Variants in EFHC2 observed in about 807,000 individuals in gnomAD.
EFHC2 encodes the protein EF-hand domain containing 2.
Under a neutral mutation model 52.7 loss-of-function variants are expected in EFHC2, and 18 were observed. The ratio of observed to expected loss-of-function variants is 0.34; its 90% CI spans 0.24 to 0.51. The LOEUF (loss-of-function observed/expected upper bound fraction) is 0.51. Ranked by LOEUF, EFHC2 falls within the 20% of genes least tolerant of loss-of-function variation. EFHC2 has a pLI of 0.97. For missense variants in EFHC2, 513 were observed against 562.5 expected (o/e 0.91, Z 0.89); for synonymous variants, 203 against 204.1 (o/e 0.99, Z 0.04).
At chrX:44,155,285 G>A (rs946811160) in intron 14 of EFHC2, among the ~76,000 whole-genome samples, 1 of 111,824 alleles carries the variant, frequency 8.9e-6, no homozygotes, top group African/African-American at 3.3e-5. Flanking sequence ...TCGTTCATCA[G>A]TGGTGAAAAA....
intron 11 of EFHC2, among the ~76,000 whole-genome samples, chrX:44,194,244 A>AT (rs35147905): frequency 9.1e-6 from 1 of 110,151 alleles, no homozygotes; most frequent in Non-Finnish European, 1.9e-5. Context: ...GTTGTGGCTT[A>AT]TTTTTTTTAT....
intron 10 of EFHC2, among the ~76,000 whole-genome samples, chrX:44,232,026 T>C (rs1474272285): frequency 1.8e-5 from 2 of 112,217 alleles, no homozygotes; most frequent in Admixed American, 9.4e-5. Flanking sequence ...TTATGGGAAG[T>C]TGTAAACCCA....
intron 2 of EFHC2, among the ~76,000 whole-genome samples, chrX:44,308,796 T>A (rs1038795659): frequency 8.9e-6 from 1 of 112,972 alleles, no homozygotes; most frequent in African/African-American, 3.2e-5. Flanking sequence ...AAGTTTAACT[T>A]ACTTTAGTCA....
At chrX:44,220,826 C>A (rs749291391) in intron 11 of EFHC2, among the ~76,000 whole-genome samples, 1 of 111,825 alleles carries the variant, frequency 8.9e-6, no homozygotes, top group African/African-American at 3.2e-5. Context: ...ATCCACCTGT[C>A]CAAATTTTTT....
chrX:44,225,504 C>A (rs1275680028), intron 11 of EFHC2, among the ~76,000 whole-genome samples: 1 of 111,223 alleles, frequency 9.0e-6, no homozygotes. Context: ...CAGGTCTGGG[C>A]CCCGAAGCCC....
intron 1 of EFHC2, among the ~76,000 whole-genome samples, chrX:44,328,461 G>T (rs749437239): frequency 2.7e-5 from 3 of 111,175 alleles, no homozygotes; most frequent in African/African-American, 9.8e-5. Flanking sequence ...TCTGGAGGCA[G>T]GGAACCTAAG....
At chrX:44,188,735 G>A (rs974437611) in intron 11 of EFHC2, among the ~76,000 whole-genome samples, 4 of 111,481 alleles carry the variant, frequency 3.6e-5, no homozygotes, top group Non-Finnish European at 7.5e-5. Context: ...GAAGATGAAA[G>A]GCAATCTGCC....
At chrX:44,283,332 G>A (rs765228541) in intron 2 of EFHC2, among the ~76,000 whole-genome samples, 49 of 110,649 alleles carry the variant, frequency 4.4e-4, no homozygotes, top group African/African-American at 1.3e-3. Context: ...ACAGGTGCCC[G>A]CCACCACACC....
chrX:44,233,002 C>CA (rs1232818079), intron 9 of EFHC2, among the ~76,000 whole-genome samples: 1 of 110,153 alleles, frequency 9.1e-6, no homozygotes, highest in African/African-American at 3.3e-5. Flanking sequence ...GATTCCATCT[C>CA]AAAAAAACAA....
At chrX:44,305,468 AATTTG>A (rs1217505823) in intron 2 of EFHC2, among the ~76,000 whole-genome samples, 1 of 110,825 alleles carries the variant, frequency 9.0e-6, no homozygotes, top group African/African-American at 3.3e-5. Context: ...TTCTGGCATT[AATTTG>A]ATTTTTTAAA....
intron 2 of EFHC2, among the ~76,000 whole-genome samples, chrX:44,278,737 CTATTA>C (rs1395846522): frequency 1.8e-5 from 2 of 111,603 alleles, no homozygotes; most frequent in Non-Finnish European, 3.8e-5. Context: ...ACAAATCTTG[CTATTA>C]TAAGTTCCCC....
intron 1 of EFHC2, among the ~76,000 whole-genome samples, chrX:44,330,612 G>A (rs5952569): frequency 0.096 from 10,674 of 111,498 alleles, 746 homozygotes; most frequent in African/African-American, 0.24. Flanking sequence ...AGAGATTGCA[G>A]TGAGCCAAGA....
rs1275707551 is a variant in EFHC2 at position 44,148,916 on chromosome X, G to C, written c.2149-20C>G. The C allele has an allele frequency of 8.9e-7, 1 of 1,125,999 alleles. No individual in the cohort carries two copies. The highest frequency in any genetic ancestry group is 2.6e-5 in the Admixed American group (1 of 37,937). The allele number at this position is 1,125,999 out of a possible 1,213,427, so 92.8% of individuals were successfully genotyped here. A position where few individuals can be genotyped will look rare whatever the true frequency, so the allele number is the denominator to read the frequency against. On this transcript the variant is annotated intron_variant, in intron 14 of 14. Transcript: ENST00000420999. ...ACATCTCTAGAAAAAAACCAAAAAT[G>C]GATATGATTAGAACCACATTTCAAA...
chrX:44,201,942 G>A (rs903396039), intron 11 of EFHC2, among the ~76,000 whole-genome samples: 5 of 111,432 alleles, frequency 4.5e-5, no homozygotes, highest in East Asian at 5.6e-4. Context: ...TAAGTACTTA[G>A]TAAAAATATC....
chrX:44,171,038 C>T (rs1043627300), intron 13 of EFHC2, among the ~76,000 whole-genome samples: 1 of 112,191 alleles, frequency 8.9e-6, no homozygotes, highest in African/African-American at 3.2e-5. Flanking sequence ...ATTCTTCTTT[C>T]CCTCTGATAC....
intron 8 of EFHC2, among the ~76,000 whole-genome samples, chrX:44,235,816 G>A (rs1321619108): frequency 8.9e-6 from 1 of 112,120 alleles, no homozygotes; most frequent in Non-Finnish European, 1.9e-5. Flanking sequence ...CCTACTGCCT[G>A]GGCAATCCTG....
Position 44,173,901 on chromosome X carries a change from C to T in EFHC2, c.2042+2391G>A, listed in dbSNP as rs748555582. Among the ~76,000 whole-genome samples the T allele has an allele frequency of 9.8e-5, 11 of 112,142 alleles. No individual in the cohort carries two copies. In the East Asian group the frequency reaches 3.1e-3, roughly 32 times the overall value. On this transcript the variant is annotated intron_variant, in intron 13 of 14. Transcript: ENST00000420999. ...CTCCAGAGGCCAGGCTCCCACATTA[C>T]TGGACTTTCCAGGACAACTCATCCT...
rs920310949 is a variant in EFHC2, at chrX:44,257,264, C to T, written c.606+3811G>A. On this transcript the variant is annotated intron_variant, in intron 4 of 14. Coordinates refer to ENST00000420999, the MANE Select transcript of EFHC2 (RefSeq NM_025184.4). The stretch of plus-strand genomic sequence containing the variant: ...AAGACAAGGATGCCCTCTCTCACCA[C>T]TCCTATTCAACATAGTATTGGAAGT... Among the ~76,000 whole-genome samples the T allele has an allele frequency of 5.4e-5, 6 of 111,569 alleles. No individual in the cohort carries two copies. The Admixed American group carries it at 5.7e-4, about 11-fold the overall frequency.
At position 44,263,853 on chromosome X, in the gene EFHC2, C is replaced by T. The variant is rs763543914; in HGVS notation, c.383-2555G>A. Among the ~76,000 whole-genome samples, 3 of 111,517 alleles carry T rather than the reference C, an allele frequency of 2.7e-5. No individual in the cohort carries two copies. In the East Asian group the frequency reaches 8.4e-4, roughly 31 times the overall value. On this transcript the variant is annotated intron_variant, in intron 3 of 14. Transcript: ENST00000420999. ...GCATTTTTACTTCATTATAGAAATT[C>T]AAATAAGCAAGTTAGCGATGATTTT...
Sources: allele counts gnomAD v4.1 joint callset (sites outside exome capture counted in the v4.1 genomes callset), GRCh38; gene constraint gnomAD v4.1.1; transcripts MANE v1.5; gene names NCBI Gene and HGNC (gene_info 2026-07-23, HGNC 2026-07-21).